The following PDSS2 variants were observed in gnomAD, a reference collection of about 807,000 sequenced individuals.
PDSS2 encodes the protein decaprenyl diphosphate synthase subunit 2, also known as all trans-polyprenyl-diphosphate synthase PDSS2.
Under a neutral mutation model 44.5 loss-of-function variants are expected in PDSS2, and 31 were observed. That is an observed-to-expected ratio of 0.70 (90% CI 0.52 to 0.94). The LOEUF (loss-of-function observed/expected upper bound fraction) is 0.94. Among genes scored for constraint, PDSS2 ranks in the 40% least tolerant of loss-of-function variants. The pLI, the probability that PDSS2 is intolerant of heterozygous loss-of-function variation, is 0.00. For synonymous variants in PDSS2, 157 were observed against 180.3 expected (o/e 0.87, Z 1.03); for missense variants, 452 against 482.2 (o/e 0.94, Z 0.59).
chr6:107,451,545 T>C (rs1285868014), intron 1 of PDSS2, among the ~76,000 whole-genome samples: 1 of 152,170 alleles, frequency 6.6e-6, no homozygotes, highest in Non-Finnish European at 1.5e-5. Flanking sequence ...GTGCACAGAC[T>C]TGTTGGTTCC....
intron 7 of PDSS2, among the ~76,000 whole-genome samples, chr6:107,185,078 T>C (rs1289826800): frequency 7.2e-6 from 1 of 138,448 alleles, no homozygotes; most frequent in Admixed American, 7.9e-5. Flanking sequence ...TTCGAGGCTG[T>C]AGCCACTGCA....
intron 7 of PDSS2, among the ~76,000 whole-genome samples, chr6:107,165,186 AT>A (rs1293860757): frequency 6.6e-6 from 1 of 151,968 alleles, no homozygotes; most frequent in Non-Finnish European, 1.5e-5. Context: ...CCATTTGTCA[AT>A]TTTGGCTTTT....
chr6:107,450,318 G>A (rs1781825734), intron 1 of PDSS2, among the ~76,000 whole-genome samples: 1 of 152,134 alleles, frequency 6.6e-6, no homozygotes, highest in East Asian at 1.9e-4. Context: ...CAGTATATAT[G>A]TAGAGGATAA....
At chr6:107,324,511 CATG>C (rs1283185573) in intron 2 of PDSS2, among the ~76,000 whole-genome samples, 1 of 152,048 alleles carries the variant, frequency 6.6e-6, no homozygotes, top group African/African-American at 2.4e-5. Context: ...TACAAAATAA[CATG>C]AATAGGTTAT....
At chr6:107,202,758 G>A (rs186114528) in intron 6 of PDSS2, among the ~76,000 whole-genome samples, 9 of 152,150 alleles carry the variant, frequency 5.9e-5, no homozygotes, top group Non-Finnish European at 1.0e-4. Context: ...AGAGGCAAGC[G>A]TGGATGTCTA....
chr6:107,275,978 G>C (rs922701010), intron 2 of PDSS2, among the ~76,000 whole-genome samples: 3 of 151,826 alleles, frequency 2.0e-5, no homozygotes, highest in Non-Finnish European at 4.4e-5. Flanking sequence ...AAATTAGCTT[G>C]GTGAGAGGGT....
intron 2 of PDSS2, among the ~76,000 whole-genome samples, chr6:107,294,573 C>A (rs1562442081): frequency 6.6e-6 from 1 of 152,058 alleles, no homozygotes; most frequent in Non-Finnish European, 1.5e-5. Context: ...AAACCATAGA[C>A]AATAGGTGCC....
At chr6:107,234,656 A>G (rs1774167536) in intron 4 of PDSS2, among the ~76,000 whole-genome samples, 1 of 151,980 alleles carries the variant, frequency 6.6e-6, no homozygotes, top group African/African-American at 2.4e-5. Context: ...TTCAACCTCA[A>G]CTAAACTTAT....
chr6:107,326,362 G>A (rs376791026), intron 2 of PDSS2, among the ~76,000 whole-genome samples: 8 of 151,532 alleles, frequency 5.3e-5, no homozygotes, highest in African/African-American at 1.9e-4. Flanking sequence ...TGCCCATCTT[G>A]GCCTCCCAAA....
Position 107,153,567 on chromosome 6 carries a change from CT to C in PDSS2, c.*1051del, listed in dbSNP as rs1770779626. ...TCACTTGAAAAAAAGCTCCTTTTTC[CT>C]TAAAGAAAAAAAAAATTTGGTTCTT... On this transcript the variant is annotated 3_prime_UTR_variant, in exon 8 of 8. Transcript: ENST00000369037. 6.6e-6 allele frequency: 1 copy of C among 151,964 alleles called. No individual in the cohort carries two copies. The allele number at this position is 151,964 out of a possible 1,614,324, so 9.4% of individuals were successfully genotyped here.
At chr6:107,161,299 A>G (rs1771119436) in intron 7 of PDSS2, among the ~76,000 whole-genome samples, 1 of 151,720 alleles carries the variant, frequency 6.6e-6, no homozygotes, top group African/African-American at 2.4e-5. Flanking sequence ...GCTAACACAG[A>G]GAAACCCCGT....
chr6:107,405,346 A>G (rs1320180678), intron 1 of PDSS2, among the ~76,000 whole-genome samples: 1 of 151,926 alleles, frequency 6.6e-6, no homozygotes, highest in Admixed American at 6.6e-5. Context: ...TAAGTATAGA[A>G]CTCAGAGGTC....
At chr6:107,225,155 A>ATTTT (rs1185535053) in intron 4 of PDSS2, among the ~76,000 whole-genome samples, 4 of 51,454 alleles carry the variant, frequency 7.8e-5, no homozygotes, top group African/African-American at 3.5e-4. Context: ...ATATATATAT[A>ATTTT]TATATATTTT....
chr6:107,372,437 A>G (rs898652423), intron 1 of PDSS2, among the ~76,000 whole-genome samples: 1 of 152,028 alleles, frequency 6.6e-6, no homozygotes, highest in African/African-American at 2.4e-5. Context: ...ATGTTTCATC[A>G]GTATCATATA....
intron 6 of PDSS2, among the ~76,000 whole-genome samples, 162 bp from the exon 7 acceptor site, chr6:107,194,016 A>G (rs929711866): frequency 2.0e-5 from 3 of 152,210 alleles, no homozygotes. Context: ...TGTAAATTGC[A>G]AGCATATAGA....
chr6:107,173,584 A>AAC lies in PDSS2; in HGVS notation c.1042-18808_1042-18807insGT, dbSNP rs1210698663. ...TGAGACTCTGTCTCAAAAAAAAAAA[A>AAC]AAAAAAAAAAAAACGCTTAGAACAG... On this transcript the variant is annotated intron_variant, in intron 7 of 7. Coordinates refer to ENST00000369037, the MANE Select transcript of PDSS2 (RefSeq NM_020381.4). 6.1e-5 allele frequency among the ~76,000 whole-genome samples: 9 copies of AAC among 148,668 alleles called. No individual in the cohort carries two copies. The East Asian group carries it at 1.7e-3, about 29-fold the overall frequency.
chr6:107,433,454 A>G (rs1363242497), intron 1 of PDSS2, among the ~76,000 whole-genome samples: 2 of 152,208 alleles, frequency 1.3e-5, no homozygotes, highest in Non-Finnish European at 2.9e-5. Flanking sequence ...AGAACCCAGA[A>G]ATAAATTCAT....
chr6:107,246,716 T>G (rs1054946755), intron 3 of PDSS2, among the ~76,000 whole-genome samples: 1 of 152,228 alleles, frequency 6.6e-6, no homozygotes, highest in East Asian at 1.9e-4. Context: ...TTTTAACACA[T>G]GAGCACTTAT....
intron 1 of PDSS2, among the ~76,000 whole-genome samples, chr6:107,359,517 G>A (rs1778700015): frequency 6.6e-6 from 1 of 151,568 alleles, no homozygotes; most frequent in South Asian, 2.1e-4. Flanking sequence ...CCAGCTACTT[G>A]GAAGGCTGAG....
Sources: gnomAD v4.1 joint callset for allele counts (sites outside exome capture counted in the v4.1 genomes callset) on GRCh38, gnomAD v4.1.1 for gene constraint, MANE v1.5 for transcripts, NCBI Gene and HGNC (gene_info 2026-07-23, HGNC 2026-07-21) for gene names.